Variants in RSPH1 observed in about 807,000 individuals in gnomAD.
RSPH1 encodes radial spoke head component 1.
A neutral mutation model predicts 44.2 loss-of-function variants in RSPH1; 32 were observed. The observed-to-expected ratio is 0.72, with a 90% CI of 0.55 to 0.97. The LOEUF (loss-of-function observed/expected upper bound fraction) is 0.97, where lower values mean the gene tolerates loss of function less well. Among genes scored for constraint, RSPH1 ranks in the 50% least tolerant of loss-of-function variants. The pLI is 0.00. For synonymous variants in RSPH1, 134 were observed against 147.3 expected, an observed-to-expected ratio of 0.91 and a Z score of 0.65; for missense variants, 391 against 398.7, an observed-to-expected ratio of 0.98 and a Z score of 0.16.
chr21:42,492,679 C>A, intron 3 of RSPH1, 79 bp downstream of exon 3: 1 of 788,520 alleles, frequency 1.3e-6, no homozygotes, highest in Non-Finnish European at 2.2e-6. Context: ...TCATACATGT[C>A]AGTATTCACA....
chr21:42,480,666 ACC>A (rs2054118097), intron 6 of RSPH1, among the ~76,000 whole-genome samples: 1 of 149,098 alleles, frequency 6.7e-6, no homozygotes, highest in African/African-American at 2.5e-5. Context: ...AAAAAAAAAA[ACC>A]TGTCTGGAGA....
chr21:42,484,233 A>G, intron 5 of RSPH1, among the ~76,000 whole-genome samples: 1 of 152,232 alleles, frequency 6.6e-6, no homozygotes, highest in Admixed American at 6.5e-5. Context: ...AAGACTGAGA[A>G]TATCCAACAT....
At chr21:42,479,408 C>T (rs1300579975) in intron 6 of RSPH1, among the ~76,000 whole-genome samples, 5 of 152,234 alleles carry the variant, frequency 3.3e-5, no homozygotes, top group East Asian at 1.9e-4. Flanking sequence ...GATGCTCCTT[C>T]TACCTTCTTC....
intron 8 of RSPH1, among the ~76,000 whole-genome samples, chr21:42,473,706 T>TGCC (rs1015201418): frequency 4.0e-4 from 61 of 152,308 alleles, no homozygotes; most frequent in African/African-American, 1.4e-3. Flanking sequence ...ATAAATGTTC[T>TGCC]GCCGACTAAG....
At chr21:42,475,234 A>G (rs144450706) in intron 8 of RSPH1, among the ~76,000 whole-genome samples, 176 of 152,212 alleles carry the variant, frequency 1.2e-3, no homozygotes, top group African/African-American at 3.9e-3. Flanking sequence ...ATCCAAACCC[A>G]TTGAAAAAGA....
intron 6 of RSPH1, among the ~76,000 whole-genome samples, chr21:42,477,700 G>T (rs138535367): frequency 4.7e-4 from 72 of 152,310 alleles, no homozygotes; most frequent in African/African-American, 1.6e-3. Context: ...CTTTATAATG[G>T]GTGCCACAAA....
At chr21:42,494,793 G>A (rs1169723749) in intron 1 of RSPH1, among the ~76,000 whole-genome samples, 1 of 150,172 alleles carries the variant, frequency 6.7e-6, no homozygotes, top group African/African-American at 2.5e-5. Context: ...TCTGCCTCCC[G>A]GGTTCAAGCC....
At chr21:42,483,350 A>G (rs1006261992) in intron 5 of RSPH1, among the ~76,000 whole-genome samples, 1 of 152,050 alleles carries the variant, frequency 6.6e-6, no homozygotes, top group Non-Finnish European at 1.5e-5. Context: ...AAAAGCATAC[A>G]TGTGCTTTGA....
chr21:42,485,463 C>T (rs751826831), intron 5 of RSPH1: 4 of 591,942 alleles, frequency 6.8e-6, no homozygotes, highest in East Asian at 2.9e-5. Flanking sequence ...TCCAGAGAAA[C>T]GGGCCAATCC....
chr21:42,476,755 G>T (rs1458640426), intron 7 of RSPH1, among the ~76,000 whole-genome samples: 1 of 152,038 alleles, frequency 6.6e-6, no homozygotes. Flanking sequence ...AGGTTGTGGA[G>T]GCCACACCTC....
chr21:42,487,726 C>T (rs1451302038), intron 3 of RSPH1, among the ~76,000 whole-genome samples: 6 of 152,144 alleles, frequency 3.9e-5, no homozygotes, highest in Non-Finnish European at 7.3e-5. Flanking sequence ...TACACAAAAA[C>T]TGGACCCACT....
At chr21:42,484,276 C>G (rs1224902618) in intron 5 of RSPH1, among the ~76,000 whole-genome samples, 5 of 152,302 alleles carry the variant, frequency 3.3e-5, no homozygotes, top group South Asian at 2.1e-4. Context: ...GACTCATATT[C>G]TATTGGCAAG....
chr21:42,489,060 G>T (rs1316798694), intron 3 of RSPH1, among the ~76,000 whole-genome samples: 1 of 151,878 alleles, frequency 6.6e-6, no homozygotes, highest in Non-Finnish European at 1.5e-5. Flanking sequence ...TGGTTGGCTG[G>T]TTGGTTAGTT....
intron 5 of RSPH1, among the ~76,000 whole-genome samples, chr21:42,484,428 G>A (rs2054158871): frequency 6.6e-6 from 1 of 152,104 alleles, no homozygotes. Flanking sequence ...GTATCTTTAT[G>A]TATATTTTTG....
At chr21:42,485,400 A>C (rs895422228) in intron 5 of RSPH1, 1 of 492,374 alleles carries the variant, frequency 2.0e-6, no homozygotes, top group South Asian at 2.4e-5. Flanking sequence ...CTCTCGTGTT[A>C]TATAACAATG....
At position 42,474,821 on chromosome 21, in the gene RSPH1, C is replaced by T. The variant is rs990398769; in HGVS notation, c.877+1077G>A. On this transcript the variant is annotated intron_variant, in intron 8 of 8. Coordinates refer to ENST00000291536, the MANE Select transcript of RSPH1 (RefSeq NM_080860.4). The surrounding 1 kb of genome is among the most constrained non-coding windows in gnomAD (Gnocchi z 5.2). ...CTATGCCAGCGCTCAGGGGAATTAC[C>T]GATCACGAAAGTCTATGTGTGCTTC... Among the ~76,000 whole-genome samples, 3 of 149,712 alleles carry T rather than the reference C, an allele frequency of 2.0e-5. No individual in the cohort carries two copies. Among genetic ancestry groups the T allele is most frequent in the Non-Finnish European group, 4.4e-5 (3 of 67,986 alleles).
intron 3 of RSPH1, among the ~76,000 whole-genome samples, chr21:42,488,555 G>A (rs2054202874): frequency 6.6e-6 from 1 of 152,134 alleles, no homozygotes; most frequent in African/African-American, 2.4e-5. Context: ...GATCTCCAGG[G>A]TGTCATGGTG....
chr21:42,487,220 T>C (rs995016080), intron 3 of RSPH1, among the ~76,000 whole-genome samples: 1 of 152,208 alleles, frequency 6.6e-6, no homozygotes, highest in African/African-American at 2.4e-5. Context: ...AACTGCAAAC[T>C]ACTTTTGTCA....
chr21:42,492,046 C>A (rs900449215), intron 3 of RSPH1, among the ~76,000 whole-genome samples: 1 of 152,234 alleles, frequency 6.6e-6, no homozygotes, highest in Non-Finnish European at 1.5e-5. Context: ...CTGAAGAAAA[C>A]TAGACAATTT....
Sources: gnomAD v4.1 joint callset for allele counts (sites outside exome capture counted in the v4.1 genomes callset) on GRCh38, gnomAD v4.1.1 for gene constraint, Gnocchi (gnomAD v3.1) non-coding constraint, MANE v1.5 for transcripts, NCBI Gene and HGNC (gene_info 2026-07-23, HGNC 2026-07-21) for gene names.